The following SGMS1 variants were observed in gnomAD, a reference collection of about 807,000 sequenced individuals.
SGMS1 encodes sphingomyelin synthase 1, also known as phosphatidylcholine:ceramide cholinephosphotransferase 1.
Under a neutral mutation model 46.2 loss-of-function variants are expected in SGMS1, and 13 were observed. That is an observed-to-expected ratio of 0.28 (90% confidence interval 0.18 to 0.45). The LOEUF is 0.45. Ranked by LOEUF, SGMS1 falls within the 20% of genes least tolerant of loss-of-function variation. SGMS1 has a pLI of 1.00. For missense variants in SGMS1, 324 were observed against 519.9 expected, an observed-to-expected ratio of 0.62 and a Z score of 3.66; for synonymous variants, 203 against 187.8, an observed-to-expected ratio of 1.08 and a Z score of -0.66.
intron 6 of SGMS1, among the ~76,000 whole-genome samples, chr10:50,385,108 T>C (rs1265860420): frequency 6.6e-6 from 1 of 152,188 alleles, no homozygotes; most frequent in African/African-American, 2.4e-5. Flanking sequence ...TCTCTGATGT[T>C]TTCTCTTGAT....
At chr10:50,600,515 T>C (rs1466937571) in intron 1 of SGMS1, among the ~76,000 whole-genome samples, 1 of 152,132 alleles carries the variant, frequency 6.6e-6, no homozygotes, top group Non-Finnish European at 1.5e-5. Context: ...GGAAGGGGAA[T>C]GAATATATTT....
chr10:50,450,107 G>C (rs1320823507), intron 5 of SGMS1, among the ~76,000 whole-genome samples: 3 of 152,084 alleles, frequency 2.0e-5, no homozygotes, highest in Non-Finnish European at 4.4e-5. Context: ...GAGAATAACA[G>C]TGTCAGAGAT....
intron 2 of SGMS1, among the ~76,000 whole-genome samples, chr10:50,589,419 G>C (rs1838518489): frequency 6.6e-6 from 1 of 151,214 alleles, no homozygotes; most frequent in South Asian, 2.1e-4. Flanking sequence ...GTGCCACCAT[G>C]ACTGGCTAAA....
Position 50,404,276 on chromosome 10 carries a change from G to A in SGMS1, c.-232+29200C>T, listed in dbSNP as rs535279502. ...GTGAATGAAAAATGTTGATGGAAGCGTGGGAAAGACATAATCTTGTTTTGT... is the reference window on the plus strand; with the variant it reads ...GTGAATGAAAAATGTTGATGGAAGCATGGGAAAGACATAATCTTGTTTTGT... On this transcript the variant is annotated intron_variant, in intron 6 of 10. Coordinates refer to ENST00000361781, the MANE Select transcript of SGMS1 (RefSeq NM_147156.4). 4.7e-3 allele frequency among the ~76,000 whole-genome samples: 719 copies of A among 151,872 alleles called. 3 individuals carry two copies. Among genetic ancestry groups the A allele is most frequent in the Non-Finnish European group, 6.9e-3 (471 of 67,956 alleles).
chr10:50,595,329 C>T (rs1296696549), intron 1 of SGMS1, among the ~76,000 whole-genome samples: 1 of 152,124 alleles, frequency 6.6e-6, no homozygotes, highest in Non-Finnish European at 1.5e-5. Flanking sequence ...GCGCACACCA[C>T]CATGCCTGGC....
At chr10:50,373,635 A>G (rs1367170599) in intron 6 of SGMS1, among the ~76,000 whole-genome samples, 1 of 152,230 alleles carries the variant, frequency 6.6e-6, no homozygotes, top group Non-Finnish European at 1.5e-5. Flanking sequence ...AAAAATACGG[A>G]TTTAATTTGT....
In SGMS1 at chr10:50,578,267, T is replaced by G. The variant is rs1034888728; in HGVS notation, c.-589+11886A>C. Among the ~76,000 whole-genome samples the G allele has an allele frequency of 3.3e-5, 5 of 152,230 alleles. No individual in the cohort carries two copies. The South Asian group carries it at 8.3e-4, about 25-fold the overall frequency. ...ACAGCCCCGCTCCCTTTGCGGTATTTATGTCCAGTCTCTTTAGCCTGCGGG... is the reference window on the plus strand; with the variant it reads ...ACAGCCCCGCTCCCTTTGCGGTATTGATGTCCAGTCTCTTTAGCCTGCGGG... On this transcript the variant is annotated intron_variant, in intron 2 of 10. Coordinates refer to ENST00000361781, the MANE Select transcript of SGMS1 (RefSeq NM_147156.4).
At chr10:50,623,441 A>T in intron 1 of SGMS1, 5 of 311,080 alleles carry the variant, frequency 1.6e-5, no homozygotes, top group Non-Finnish European at 1.9e-5. Flanking sequence ...GCCCCAACTT[A>T]GCCGGGGAGC....
rs1300619307 is a variant in SGMS1, at chr10:50,371,374, A to G, written c.-231-27029T>C. Among the ~76,000 whole-genome samples the G allele has an allele frequency of 2.6e-5, 4 of 152,180 alleles. No individual in the cohort carries two copies. In the East Asian group the frequency reaches 5.8e-4, roughly 22 times the overall value. On this transcript the variant is annotated intron_variant, in intron 6 of 10. Coordinates refer to ENST00000361781, the MANE Select transcript of SGMS1 (RefSeq NM_147156.4). ...TCAATACTGCTCCCGTACACACCCT[A>G]TCCCATCCAAACCCAAACTGCACAA...
At chr10:50,560,509 T>G (rs2131837833) in intron 2 of SGMS1, among the ~76,000 whole-genome samples, 1 of 143,162 alleles carries the variant, frequency 7.0e-6, no homozygotes, top group South Asian at 2.1e-4. Context: ...TAAATACATA[T>G]TACATATTAT....
intron 3 of SGMS1, among the ~76,000 whole-genome samples, chr10:50,468,551 G>A (rs901652439): frequency 9.9e-5 from 15 of 152,154 alleles, no homozygotes; most frequent in African/African-American, 3.4e-4. Context: ...TGGTTTTATG[G>A]CACTGTGTGC....
At chr10:50,401,647 A>G (rs1241352295) in intron 6 of SGMS1, among the ~76,000 whole-genome samples, 4 of 152,138 alleles carry the variant, frequency 2.6e-5, no homozygotes, top group Admixed American at 2.6e-4. Context: ...CCCCACCAAA[A>G]GCTCCTGAAA....
intron 2 of SGMS1, among the ~76,000 whole-genome samples, chr10:50,587,297 A>G (rs954602192): frequency 1.9e-4 from 28 of 148,070 alleles, no homozygotes; most frequent in African/African-American, 6.6e-4. Context: ...CAAATAGCAG[A>G]AAAAAAAATT....
At chr10:50,417,551 G>C (rs1849189723) in intron 6 of SGMS1, among the ~76,000 whole-genome samples, 1 of 152,168 alleles carries the variant, frequency 6.6e-6, no homozygotes. Flanking sequence ...AACACACTCA[G>C]TCCAAAACAC....
At chr10:50,612,288 G>A (rs1588892749) in intron 1 of SGMS1, among the ~76,000 whole-genome samples, 1 of 152,336 alleles carries the variant, frequency 6.6e-6, no homozygotes, top group East Asian at 1.9e-4. Flanking sequence ...ACTTTTAGAA[G>A]ACTGAACATC....
Position 50,307,921 on chromosome 10 carries a change from CCAAGCCAGCAACAT to C in SGMS1, c.1062+47_1062+60del, listed in dbSNP as rs1350424935. 232 of 1,583,786 alleles carry C rather than the reference CCAAGCCAGCAACAT, an allele frequency of 1.5e-4. No homozygotes were observed. In the Middle Eastern group the frequency reaches 2.6e-3, roughly 18 times the overall value. ...CATCCACAGGTTCTTTGCACCCTGT[CCAAGCCAGCAACAT>C]CAAGCCAGAAACAACAGAAGCTAAA... On this transcript the variant is annotated intron_variant, in intron 10 of 10. Coordinates refer to ENST00000361781, the MANE Select transcript of SGMS1 (RefSeq NM_147156.4). The surrounding 1 kb of genome is among the most constrained non-coding windows in gnomAD (Gnocchi z 4.2).
At chr10:50,315,336 T>A (rs185853103) in intron 8 of SGMS1, among the ~76,000 whole-genome samples, 148 of 152,334 alleles carry the variant, frequency 9.7e-4, no homozygotes, top group African/African-American at 3.3e-3. Flanking sequence ...TTTCTTCCAC[T>A]CTCTGTCCTG....
chr10:50,418,914 G>A (rs1011180942), intron 6 of SGMS1, among the ~76,000 whole-genome samples: 1 of 152,002 alleles, frequency 6.6e-6, no homozygotes, highest in Admixed American at 6.6e-5. Context: ...CCGTTACCCC[G>A]CCCCTTCAGT....
intron 6 of SGMS1, among the ~76,000 whole-genome samples, chr10:50,352,424 TG>T (rs1848034834): frequency 6.6e-6 from 1 of 152,222 alleles, no homozygotes; most frequent in African/African-American, 2.4e-5. Context: ...ATTGGGAGAA[TG>T]TTAAAAAATA....
Sources: allele counts gnomAD v4.1 joint callset (sites outside exome capture counted in the v4.1 genomes callset), GRCh38; gene constraint gnomAD v4.1.1; non-coding constraint Gnocchi (gnomAD v3.1); transcripts MANE v1.5; gene names NCBI Gene and HGNC (gene_info 2026-07-23, HGNC 2026-07-21).